GPATCH2: variants seen among roughly 807,000 people sequenced by gnomAD.
GPATCH2 encodes G-patch domain containing 2, also known as G patch domain-containing protein 2.
Under a neutral mutation model 58.0 loss-of-function variants are expected in GPATCH2, and 51 were observed. That is an observed-to-expected ratio of 0.88 (90% CI 0.70 to 1.11). The LOEUF is 1.11. Ranked by LOEUF, GPATCH2 falls within the 50% of genes most tolerant of loss-of-function variation. The probability of loss-of-function intolerance (pLI) is 0.00; values close to 1 mark genes in which losing one functional copy is unlikely to be tolerated. For missense variants in GPATCH2, 625 were observed against 652.2 expected (o/e 0.96, Z 0.45); for synonymous variants, 222 against 218.5 (o/e 1.02, Z -0.14).
In GPATCH2 at chr1:217,551,936, T is replaced by C. The variant is rs775093704; in HGVS notation, c.1099-37047A>G. On this transcript the variant is annotated intron_variant, in intron 5 of 9. Coordinates refer to ENST00000366935, the MANE Select transcript of GPATCH2 (RefSeq NM_018040.5). Reference sequence around the variant, plus strand: ...AGTTTTCAGTTATCATAGCCTTGGATGCCACAGAAAATATTCTTTAACATT... The same window carrying C: ...AGTTTTCAGTTATCATAGCCTTGGACGCCACAGAAAATATTCTTTAACATT... Among the ~76,000 whole-genome samples the C allele has an allele frequency of 7.5e-4, 114 of 152,254 alleles. 1 individual carries two copies. Among genetic ancestry groups the C allele is most frequent in the Middle Eastern group, 3.4e-3 (1 of 294 alleles).
chr1:217,559,058 TATA>T (rs1371026764), intron 5 of GPATCH2, among the ~76,000 whole-genome samples: 1 of 152,134 alleles, frequency 6.6e-6, no homozygotes, highest in Non-Finnish European at 1.5e-5. Context: ...CAGGAATATG[TATA>T]ATAATATTAA....
intron 5 of GPATCH2, among the ~76,000 whole-genome samples, chr1:217,545,901 T>C (rs1665019619): frequency 6.6e-6 from 1 of 152,240 alleles, no homozygotes; most frequent in African/African-American, 2.4e-5. Context: ...TGTAATGTTA[T>C]AAAGCCAACA....
chr1:217,568,092 G>A (rs930774033), intron 5 of GPATCH2, among the ~76,000 whole-genome samples: 1 of 152,106 alleles, frequency 6.6e-6, no homozygotes, highest in African/African-American at 2.4e-5. Flanking sequence ...ACTCCAGCCT[G>A]GGCGATAGAG....
intron 5 of GPATCH2, among the ~76,000 whole-genome samples, chr1:217,565,640 T>C (rs1337345124): frequency 6.6e-6 from 1 of 152,204 alleles, no homozygotes; most frequent in Admixed American, 6.5e-5. Context: ...GTGAGGTTTC[T>C]TTTTCTTTTT....
intron 9 of GPATCH2, among the ~76,000 whole-genome samples, chr1:217,439,973 C>T (rs1659057582): frequency 6.6e-6 from 1 of 152,174 alleles, no homozygotes; most frequent in Non-Finnish European, 1.5e-5. Flanking sequence ...TGAAACTATT[C>T]CAAAGGATAG....
intron 5 of GPATCH2, chr1:217,609,879 A>G (rs1404530480): frequency 4.7e-6 from 5 of 1,056,776 alleles, no homozygotes; most frequent in Non-Finnish European, 3.4e-6. Context: ...AAATGGATTC[A>G]ATGTAAAAAA....
intron 9 of GPATCH2, among the ~76,000 whole-genome samples, chr1:217,444,131 A>G (rs891272438): frequency 6.6e-6 from 1 of 152,208 alleles, no homozygotes; most frequent in African/African-American, 2.4e-5. Flanking sequence ...TCTTGGTCAC[A>G]AATCTTCAGA....
At chr1:217,471,423 A>G (rs1571760313) in intron 8 of GPATCH2, among the ~76,000 whole-genome samples, 1 of 152,322 alleles carries the variant, frequency 6.6e-6, no homozygotes, top group Middle Eastern at 3.4e-3. Flanking sequence ...AATGACAAAT[A>G]GTTTTGTATC....
intron 5 of GPATCH2, among the ~76,000 whole-genome samples, chr1:217,601,881 C>A (rs1280836499): frequency 6.6e-6 from 1 of 152,110 alleles, no homozygotes; most frequent in Non-Finnish European, 1.5e-5. Flanking sequence ...GAGATCGTAT[C>A]TAACTTGTTC....
At chr1:217,547,833 C>G (rs770950463) in intron 5 of GPATCH2, among the ~76,000 whole-genome samples, 3 of 152,104 alleles carry the variant, frequency 2.0e-5, no homozygotes, top group Admixed American at 6.5e-5. Context: ...CAGAGGAGGT[C>G]TGGCGGCGGG....
chr1:217,525,016 T>G (rs1663812984), intron 5 of GPATCH2, among the ~76,000 whole-genome samples: 1 of 144,830 alleles, frequency 6.9e-6, no homozygotes, highest in South Asian at 2.3e-4. Flanking sequence ...GAATTTTTAT[T>G]TATCTATTTA....
At position 217,584,478 on chromosome 1, in the gene GPATCH2, T is replaced by C. The variant is rs867134471; in HGVS notation, c.1098+25843A>G. On this transcript the variant is annotated intron_variant, in intron 5 of 9. Coordinates refer to ENST00000366935, the MANE Select transcript of GPATCH2 (RefSeq NM_018040.5). ...CGGGAGGCGGAGGTTGCAGTGAGCC[T>C]AGATTGCACCATTGCACTCCAGCTT... Among the ~76,000 whole-genome samples the C allele has an allele frequency of 2.5e-4, 38 of 151,354 alleles. 1 individual carries two copies. The highest frequency in any genetic ancestry group is 9.0e-4 in the African/African-American group (37 of 41,324).
At chr1:217,523,525 G>T (rs1663593610) in intron 5 of GPATCH2, among the ~76,000 whole-genome samples, 2 of 151,220 alleles carry the variant, frequency 1.3e-5, no homozygotes, top group African/African-American at 2.4e-5. Flanking sequence ...CAAGGCAGAA[G>T]AATTTTTCTT....
At chr1:217,563,003 AG>A (rs1666006562) in intron 5 of GPATCH2, among the ~76,000 whole-genome samples, 1 of 146,182 alleles carries the variant, frequency 6.8e-6, no homozygotes, top group Non-Finnish European at 1.5e-5. Context: ...ACTTTGGACA[AG>A]TTTGCTAAGT....
intron 5 of GPATCH2, among the ~76,000 whole-genome samples, chr1:217,568,043 G>C (rs1318371499): frequency 6.6e-6 from 1 of 152,182 alleles, no homozygotes; most frequent in African/African-American, 2.4e-5. Flanking sequence ...TGTGAACCCA[G>C]GAGGCGGAGC....
chr1:217,526,904 G>C (rs1461626617), intron 5 of GPATCH2, among the ~76,000 whole-genome samples: 3 of 152,152 alleles, frequency 2.0e-5, no homozygotes, highest in Non-Finnish European at 4.4e-5. Flanking sequence ...TGTGAATTGT[G>C]CCTGCAAGGC....
At chr1:217,466,377 A>G (rs1044843718) in intron 8 of GPATCH2, among the ~76,000 whole-genome samples, 2 of 151,920 alleles carry the variant, frequency 1.3e-5, no homozygotes, top group African/African-American at 4.8e-5. Context: ...GGATGAAAAT[A>G]CTTGTTTTTT....
intron 1 of GPATCH2, among the ~76,000 whole-genome samples, chr1:217,625,897 T>C (rs1021029205): frequency 6.6e-6 from 1 of 152,076 alleles, no homozygotes; most frequent in Admixed American, 6.6e-5. Context: ...GGCAGGAGAA[T>C]TGCTCCAACC....
chr1:217,539,816 A>G (rs1664646587), intron 5 of GPATCH2, among the ~76,000 whole-genome samples: 1 of 152,224 alleles, frequency 6.6e-6, no homozygotes, highest in Non-Finnish European at 1.5e-5. Context: ...GCTTCAATGC[A>G]TAGGAAACAA....
Sources: gnomAD v4.1 joint callset for allele counts (sites outside exome capture counted in the v4.1 genomes callset) on GRCh38, gnomAD v4.1.1 for gene constraint, MANE v1.5 for transcripts, NCBI Gene and HGNC (gene_info 2026-07-23, HGNC 2026-07-21) for gene names.